The following WWOX variants were observed in gnomAD, a reference collection of about 807,000 sequenced individuals.
WWOX encodes the protein WW domain-containing oxidoreductase.
In WWOX, 69 loss-of-function variants were observed where a neutral mutation model predicts 46.2. That is an observed-to-expected ratio of 1.49 (90% CI 1.23 to 1.82). WWOX has a LOEUF of 1.82. Ranked by LOEUF, WWOX falls within the 40% of genes most tolerant of loss-of-function variation. The pLI, the probability that WWOX is intolerant of heterozygous loss-of-function variation, is 0.00. For missense variants in WWOX, 919 were observed against 542.6 expected (o/e 1.69, Z -6.89); for synonymous variants, 359 against 202.6 (o/e 1.77, Z -6.56).
rs761894554 is a variant in WWOX, at chr16:78,347,943, A to G, written c.517-38917A>G. On this transcript the variant is annotated intron_variant, in intron 5 of 8. Transcript: ENST00000566780. The stretch of plus-strand genomic sequence containing the variant: ...CTATGGTCTTATTCTGTTTAACGGT[A>G]TGAAGGCTCGCCTGAAAGGCCAAGA... Among the ~76,000 whole-genome samples the G allele has an allele frequency of 4.5e-4, 55 of 122,342 alleles. 22 individuals carry two copies. The highest frequency in any genetic ancestry group is 8.7e-4 in the Admixed American group (11 of 12,626). 80.3% of individuals were successfully genotyped at this position (122,342 alleles called of 152,430 possible).
At chr16:78,597,911 AC>A (rs1323456196) in intron 8 of WWOX, among the ~76,000 whole-genome samples, 2 of 151,978 alleles carry the variant, frequency 1.3e-5, no homozygotes, top group Admixed American at 1.3e-4. Context: ...CTTTTCAGAC[AC>A]TGTAAAACTA....
chr16:78,221,705 G>C (rs936064249), intron 5 of WWOX, among the ~76,000 whole-genome samples: 1 of 152,200 alleles, frequency 6.6e-6, no homozygotes, highest in African/African-American at 2.4e-5. Context: ...TGAAATGCAA[G>C]ATGTAATACA....
chr16:78,299,941 C>A (rs1038421775), intron 5 of WWOX, among the ~76,000 whole-genome samples: 3 of 152,160 alleles, frequency 2.0e-5, no homozygotes, highest in African/African-American at 7.2e-5. Flanking sequence ...CAGGGACCAT[C>A]TTGCCGAGTC....
intron 8 of WWOX, among the ~76,000 whole-genome samples, chr16:78,836,577 G>C (rs1195849246): frequency 6.6e-6 from 1 of 152,172 alleles, no homozygotes; most frequent in Non-Finnish European, 1.5e-5. Flanking sequence ...GCATTCCTCA[G>C]TTCCTGCACT....
chr16:79,131,237 T>A (rs527789971), intron 8 of WWOX, among the ~76,000 whole-genome samples: 22 of 152,114 alleles, frequency 1.4e-4, no homozygotes, highest in Admixed American at 5.2e-4. Context: ...CCAGGGCCAT[T>A]TGTGAGAGTG....
chr16:78,135,534 C>T (rs1461027249), intron 4 of WWOX, among the ~76,000 whole-genome samples: 2 of 152,108 alleles, frequency 1.3e-5, no homozygotes, highest in Admixed American at 6.5e-5. Flanking sequence ...CTGACTTCTG[C>T]ACATTTAATC....
chr16:79,038,596 C>G (rs149864986), intron 8 of WWOX, among the ~76,000 whole-genome samples: 4 of 152,118 alleles, frequency 2.6e-5, no homozygotes, highest in African/African-American at 9.7e-5. Flanking sequence ...GTCACACAGG[C>G]TGGAGTGCAA....
intron 5 of WWOX, among the ~76,000 whole-genome samples, chr16:78,246,504 C>T (rs771865000): frequency 1.3e-5 from 2 of 152,212 alleles, no homozygotes; most frequent in African/African-American, 2.4e-5. Context: ...AGGCATCTTT[C>T]AGTGCCATTT....
At chr16:78,766,588 C>T (rs1201517613) in intron 8 of WWOX, among the ~76,000 whole-genome samples, 1 of 152,164 alleles carries the variant, frequency 6.6e-6, no homozygotes, top group African/African-American at 2.4e-5. Context: ...AGCTTGTCTC[C>T]TTGTCTCTAA....
chr16:78,695,440 A>G (rs2048078633), intron 8 of WWOX, among the ~76,000 whole-genome samples: 1 of 152,136 alleles, frequency 6.6e-6, no homozygotes, highest in African/African-American at 2.4e-5. Flanking sequence ...GAGCACATTG[A>G]TACCCTTCTT....
intron 8 of WWOX, among the ~76,000 whole-genome samples, chr16:78,664,813 G>T (rs2142183023): frequency 6.6e-6 from 1 of 152,222 alleles, no homozygotes; most frequent in South Asian, 2.1e-4. Context: ...AGATTTCAAG[G>T]GGAAAAAATT....
At chr16:78,358,659 A>G (rs567015322) in intron 5 of WWOX, among the ~76,000 whole-genome samples, 18 of 110,554 alleles carry the variant, frequency 1.6e-4, no homozygotes, top group Non-Finnish European at 2.7e-4. Context: ...CTCCGTGTCA[A>G]AAAATAAATA....
At chr16:78,549,780 G>A (rs996725932) in intron 8 of WWOX, among the ~76,000 whole-genome samples, 3 of 152,166 alleles carry the variant, frequency 2.0e-5, no homozygotes, top group Non-Finnish European at 4.4e-5. Flanking sequence ...TAAGATGAAC[G>A]TCTTAGATGA....
intron 8 of WWOX, among the ~76,000 whole-genome samples, chr16:78,463,273 G>A (rs2083996307): frequency 6.6e-6 from 1 of 152,212 alleles, no homozygotes; most frequent in Admixed American, 6.5e-5. Flanking sequence ...GCCCTTGCAG[G>A]TATAGGTAGG....
At chr16:78,544,343 G>T (rs1428167294) in intron 8 of WWOX, among the ~76,000 whole-genome samples, 1 of 152,136 alleles carries the variant, frequency 6.6e-6, no homozygotes, top group East Asian at 1.9e-4. Flanking sequence ...TTTATTGAGA[G>T]CACTCTTCTG....
At chr16:78,508,732 G>C (rs553489348) in intron 8 of WWOX, among the ~76,000 whole-genome samples, 1 of 152,308 alleles carries the variant, frequency 6.6e-6, no homozygotes, top group Non-Finnish European at 1.5e-5. Context: ...AGCAGAGCGT[G>C]AATGCCGGGA....
chr16:78,271,820 G>A (rs1028427588), intron 5 of WWOX, among the ~76,000 whole-genome samples: 1 of 152,196 alleles, frequency 6.6e-6, no homozygotes, highest in Non-Finnish European at 1.5e-5. Flanking sequence ...GAATATGTGA[G>A]GTAGGGTAGG....
At chr16:78,343,176 G>C (rs2081043569) in intron 5 of WWOX, among the ~76,000 whole-genome samples, 1 of 119,612 alleles carries the variant, frequency 8.4e-6, no homozygotes, top group African/African-American at 2.8e-5. Flanking sequence ...TCTGCTTTCT[G>C]GGTGTCCTCT....
intron 8 of WWOX, among the ~76,000 whole-genome samples, chr16:78,986,036 T>G (rs2046778284): frequency 6.6e-6 from 1 of 152,160 alleles, no homozygotes; most frequent in Non-Finnish European, 1.5e-5. Context: ...AGGGTCAGAA[T>G]TTTATGCAAT....
Sources: allele counts gnomAD v4.1 joint callset (sites outside exome capture counted in the v4.1 genomes callset), GRCh38; gene constraint gnomAD v4.1.1; transcripts MANE v1.5; gene names NCBI Gene and HGNC (gene_info 2026-07-23, HGNC 2026-07-21).